The following TMEM33 variants were observed in gnomAD, a reference collection of about 807,000 sequenced individuals.
TMEM33 encodes the protein transmembrane protein 33.
Under a neutral mutation model 29.7 loss-of-function variants are expected in TMEM33, and 16 were observed. The ratio of observed to expected loss-of-function variants is 0.54; its 90% CI spans 0.36 to 0.82. The LOEUF (loss-of-function observed/expected upper bound fraction) is 0.82, where lower values mean the gene tolerates loss of function less well. TMEM33 is among the 40% of genes least tolerant of loss of function. TMEM33 has a pLI of 0.00. For missense variants in TMEM33, 252 were observed against 295.3 expected (o/e 0.85, Z 1.08); for synonymous variants, 112 against 109.4 (o/e 1.02, Z -0.15).
chr4:41,940,349 A>G (rs1712478292), intron 3 of TMEM33, among the ~76,000 whole-genome samples: 1 of 152,060 alleles, frequency 6.6e-6, no homozygotes, highest in Non-Finnish European at 1.5e-5. Flanking sequence ...TATTTATGAT[A>G]CATCTGTATG....
intron 1 of TMEM33, 29 bp downstream of exon 1, chr4:41,935,558 T>A: frequency 1.9e-6 from 3 of 1,592,524 alleles, no homozygotes; most frequent in Non-Finnish European, 2.6e-6. Context: ...TAGTCTGGCT[T>A]GATTTGCAAG....
rs1239519329 is a variant in TMEM33, at chr4:41,957,226, TATCA to T, written c.*3031_*3034del. 1 of 151,528 alleles carries T rather than the reference TATCA, an allele frequency of 6.6e-6. No individual in the cohort carries two copies. The highest frequency in any genetic ancestry group is 1.5e-5 in the Non-Finnish European group (1 of 67,872). 9.4% of individuals were successfully genotyped at this position (151,528 alleles called of 1,614,324 possible). A position where few individuals can be genotyped will look rare whatever the true frequency, so the allele number is the denominator to read the frequency against. The stretch of plus-strand genomic sequence containing the variant: ...GGTACCTTACTAATTTAAACTCTAA[TATCA>T]ATCTAAAGAGAAATTTATTATGCAA... On this transcript the variant is annotated 3_prime_UTR_variant, in exon 7 of 7. Coordinates refer to ENST00000504986, the MANE Select transcript of TMEM33 (RefSeq NM_018126.3).
intron 1 of TMEM33, among the ~76,000 whole-genome samples, chr4:41,936,337 T>A (rs1712231448): frequency 6.6e-6 from 1 of 152,154 alleles, no homozygotes. Flanking sequence ...GTTCAGGAGT[T>A]AGAGACCAGC....
rs142832159 is a variant in TMEM33 at position 41,952,869 on chromosome 4, G to T, written c.615-1201G>T. On this transcript the variant is annotated intron_variant, in intron 6 of 6. Coordinates refer to ENST00000504986, the MANE Select transcript of TMEM33 (RefSeq NM_018126.3). Reference sequence around the variant, plus strand: ...AGAGGAAATCTCTGAGGGACAATATGTACATTTAAGGAAATAGTGGGTGAA... The same window carrying T: ...AGAGGAAATCTCTGAGGGACAATATTTACATTTAAGGAAATAGTGGGTGAA... Among the ~76,000 whole-genome samples, 712 of 152,178 alleles carry T rather than the reference G, an allele frequency of 4.7e-3. 5 individuals carry two copies. Among genetic ancestry groups the T allele is most frequent in the Non-Finnish European group, 7.1e-3 (482 of 68,006 alleles).
intron 5 of TMEM33, among the ~76,000 whole-genome samples, chr4:41,945,224 T>G (rs925077501): frequency 6.6e-6 from 1 of 152,198 alleles, no homozygotes; most frequent in Admixed American, 6.5e-5. Flanking sequence ...CTGTCACTAT[T>G]GAGATGATGT....
intron 5 of TMEM33, among the ~76,000 whole-genome samples, chr4:41,948,709 A>G (rs1278707421): frequency 1.3e-5 from 2 of 152,122 alleles, no homozygotes; most frequent in Non-Finnish European, 2.9e-5. Flanking sequence ...TACAGTTCAC[A>G]TTAGGTTGTT....
intron 5 of TMEM33, among the ~76,000 whole-genome samples, chr4:41,946,619 T>G (rs943186499): frequency 3.3e-5 from 5 of 152,210 alleles, no homozygotes; most frequent in African/African-American, 1.2e-4. Flanking sequence ...TCTAAAACCT[T>G]GACCCTAAAA....
rs896044757 is a variant in TMEM33 at position 41,957,985 on chromosome 4, GA to G, written c.*3796del. 1.3e-4 allele frequency: 19 copies of G among 150,150 alleles called. No individual in the cohort carries two copies. The highest frequency in any genetic ancestry group is 3.7e-4 in the African/African-American group (15 of 40,750). 9.3% of individuals were successfully genotyped at this position (150,150 alleles called of 1,614,324 possible). ...TTTAAATATGTAATCATTCAAGATT[GA>G]AAAAAAAAATTAAGCATTTTTTGTT... On this transcript the variant is annotated 3_prime_UTR_variant, in exon 7 of 7. Transcript: ENST00000504986.
Position 41,957,664 on chromosome 4 carries a change from A to G in TMEM33, c.*3465A>G, listed in dbSNP as rs1351448868. 5.3e-5 allele frequency: 8 copies of G among 151,996 alleles called. No individual in the cohort carries two copies. The highest frequency in any genetic ancestry group is 5.2e-4 in the Admixed American group (8 of 15,264). The allele number at this position is 151,996 out of a possible 1,614,324, so 9.4% of individuals were successfully genotyped here. ...TTGAGAGATTGAGGTAAAGAACCTTAACTAATGCTAAGGAGTTTATTTTGA... is the reference window on the plus strand; with the variant it reads ...TTGAGAGATTGAGGTAAAGAACCTTGACTAATGCTAAGGAGTTTATTTTGA... On this transcript the variant is annotated 3_prime_UTR_variant, in exon 7 of 7. Coordinates refer to ENST00000504986, the MANE Select transcript of TMEM33 (RefSeq NM_018126.3).
intron 5 of TMEM33, among the ~76,000 whole-genome samples, chr4:41,946,010 T>TGTTATTCTG (rs1368017420): frequency 2.7e-5 from 4 of 147,308 alleles, no homozygotes; most frequent in Non-Finnish European, 4.5e-5. Context: ...AAAAAAAAAG[T>TGTTATTCTG]GTTATTCTGT....
In TMEM33 at chr4:41,955,748, A is replaced by C. The variant is rs1713236050; in HGVS notation, c.*1549A>C. 2.0e-5 allele frequency: 3 copies of C among 152,624 alleles called. No homozygotes were observed. Among genetic ancestry groups the C allele is most frequent in the Admixed American group, 6.5e-5 (1 of 15,270 alleles). 9.5% of individuals were successfully genotyped at this position (152,624 alleles called of 1,614,324 possible). A position where few individuals can be genotyped will look rare whatever the true frequency, so the allele number is the denominator to read the frequency against. ...CTAGTCTTATTGTCACTATGTAAGT[A>C]ATCCAATGGTTTTAGAAACTAAACT... On this transcript the variant is annotated 3_prime_UTR_variant, in exon 7 of 7. Coordinates refer to ENST00000504986, the MANE Select transcript of TMEM33 (RefSeq NM_018126.3).
intron 5 of TMEM33, among the ~76,000 whole-genome samples, chr4:41,947,150 C>T (rs1035473619): frequency 5.3e-5 from 8 of 151,562 alleles, no homozygotes; most frequent in African/African-American, 1.2e-4. Context: ...GCAGGAGAAT[C>T]GCTTGAACCC....
chr4:41,943,120 C>T (rs1480225173), intron 3 of TMEM33, among the ~76,000 whole-genome samples: 1 of 152,218 alleles, frequency 6.6e-6, no homozygotes, highest in East Asian at 1.9e-4. Flanking sequence ...GCTATACTTA[C>T]AACCCTTTGG....
Position 41,959,609 on chromosome 4 carries a change from TTTTC to T in TMEM33, c.*5418_*5421del, listed in dbSNP as rs1225082162. 1.3e-5 allele frequency: 2 copies of T among 152,354 alleles called. No individual in the cohort carries two copies. Among genetic ancestry groups the T allele is most frequent in the East Asian group, 3.9e-4 (2 of 5,186 alleles). 9.4% of individuals were successfully genotyped at this position (152,354 alleles called of 1,614,324 possible). ...TGTGCCTAGCACTTTGAAACTAACCTTTTCTTTCTTTGTTCATGACAGTTTAATT... is the reference window on the plus strand; with the variant it reads ...TGTGCCTAGCACTTTGAAACTAACCTTTTCTTTGTTCATGACAGTTTAATT... On this transcript the variant is annotated 3_prime_UTR_variant, in exon 7 of 7. Coordinates refer to ENST00000504986, the MANE Select transcript of TMEM33 (RefSeq NM_018126.3).
At chr4:41,948,431 AT>A (rs1466007509) in intron 5 of TMEM33, among the ~76,000 whole-genome samples, 3 of 152,076 alleles carry the variant, frequency 2.0e-5, no homozygotes, top group African/African-American at 7.2e-5. Context: ...TGGATGTTGC[AT>A]TTGTTTAGTG....
chr4:41,944,009 G>A, intron 4 of TMEM33, 195 bp downstream of exon 4: 1 of 530,276 alleles, frequency 1.9e-6, no homozygotes, highest in East Asian at 3.3e-5. Flanking sequence ...ACATTTTATA[G>A]ATAAAGGATT....
At chr4:41,940,267 G>GT (rs945639471) in intron 3 of TMEM33, among the ~76,000 whole-genome samples, 2 of 151,300 alleles carry the variant, frequency 1.3e-5, no homozygotes, top group Non-Finnish European at 2.9e-5. Flanking sequence ...ATTTGTGGTT[G>GT]TTTTTTTTCC....
rs566959146 is a variant in TMEM33 at position 41,960,383 on chromosome 4, T to C, written c.*6184T>C. Reference sequence around the variant, plus strand: ...AAGTATCAAGGGCTTTCTTTGGTGATTGAGGGAAATAATGTCTCTACTTGT... The same window carrying C: ...AAGTATCAAGGGCTTTCTTTGGTGACTGAGGGAAATAATGTCTCTACTTGT... On this transcript the variant is annotated 3_prime_UTR_variant, in exon 7 of 7. Coordinates refer to ENST00000504986, the MANE Select transcript of TMEM33 (RefSeq NM_018126.3). 2 of 152,312 alleles carry C rather than the reference T, an allele frequency of 1.3e-5. No homozygotes were observed. The highest frequency in any genetic ancestry group is 3.9e-4 in the East Asian group (2 of 5,190). 9.4% of individuals were successfully genotyped at this position (152,312 alleles called of 1,614,324 possible). A position where few individuals can be genotyped will look rare whatever the true frequency, so the allele number is the denominator to read the frequency against.
Position 41,954,290 on chromosome 4 carries a change from A to G in TMEM33, c.*91A>G. The G allele has an allele frequency of 7.8e-7, 1 of 1,289,276 alleles. No individual in the cohort carries two copies. Among genetic ancestry groups the G allele is most frequent in the Non-Finnish European group, 1.1e-6 (1 of 947,942 alleles). 79.9% of individuals were successfully genotyped at this position (1,289,276 alleles called of 1,614,324 possible). A position where few individuals can be genotyped will look rare whatever the true frequency, so the allele number is the denominator to read the frequency against. ...GTTGTAAATTCCAGGTGTTACACTGACCTCAATCCAATTTACATAATTTAC... is the reference window on the plus strand; with the variant it reads ...GTTGTAAATTCCAGGTGTTACACTGGCCTCAATCCAATTTACATAATTTAC... On this transcript the variant is annotated 3_prime_UTR_variant, in exon 7 of 7. Coordinates refer to ENST00000504986, the MANE Select transcript of TMEM33 (RefSeq NM_018126.3).
Sources: allele counts gnomAD v4.1 joint callset (sites outside exome capture counted in the v4.1 genomes callset), GRCh38; gene constraint gnomAD v4.1.1; transcripts MANE v1.5; gene names NCBI Gene and HGNC (gene_info 2026-07-23, HGNC 2026-07-21).